Variants in GSN observed in about 807,000 individuals in gnomAD.
The protein encoded by GSN is gelsolin.
A neutral mutation model predicts 85.7 loss-of-function variants in GSN; 56 were observed. That is an observed-to-expected ratio of 0.65 (90% CI 0.53 to 0.82). The LOEUF (loss-of-function observed/expected upper bound fraction) is 0.82. Among genes scored for constraint, GSN ranks in the 40% least tolerant of loss-of-function variants. The probability of loss-of-function intolerance (pLI) is 0.00; values close to 1 mark genes in which losing one functional copy is unlikely to be tolerated. For synonymous variants in GSN, 373 were observed against 399.1 expected (o/e 0.93, Z 0.78); for missense variants, 857 against 979.8 (o/e 0.87, Z 1.67).
intron 11 of GSN, among the ~76,000 whole-genome samples, chr9:121,323,404 T>G (rs1261913982): frequency 7.2e-6 from 1 of 138,700 alleles, no homozygotes; most frequent in East Asian, 2.3e-4. Context: ...AGAGTCTTGC[T>G]CTGTCGCCAG....
In GSN at chr9:121,324,609, C is replaced by A; in HGVS notation, c.1381C>A (p.Gln461Lys). 6.5e-7 allele frequency: 1 copy of A among 1,545,224 alleles called. No homozygotes were observed. The highest frequency in any genetic ancestry group is 8.7e-7 in the Non-Finnish European group (1 of 1,143,118). The change falls in exon 12 of 18, where the codon CAG becomes AAG. Residue 461 changes from glutamine (Q) to lysine (K), a missense_variant. Physicochemically the swap from Gln to Lys is moderately conservative, Grantham distance 53. Coordinates refer to ENST00000432226, the MANE Select transcript of GSN (RefSeq NM_198252.3). Reference sequence around the variant, plus strand: ...CGCTGCATCTGCCATCCTGACTGCTCAGCTGGATGAGGAGCTGGGAGGTAC... The same window carrying A: ...CGCTGCATCTGCCATCCTGACTGCTAAGCTGGATGAGGAGCTGGGAGGTAC... ...EVAASAILTAQLDEELGGTPV... is the reference protein window; with the variant it reads ...EVAASAILTAKLDEELGGTPV...
intron 1 of GSN, among the ~76,000 whole-genome samples, chr9:121,271,272 TA>T (rs2055905808): frequency 6.6e-6 from 1 of 152,082 alleles, no homozygotes; most frequent in African/African-American, 2.4e-5. Context: ...GAGAATTGCT[TA>T]AACCCTGGAG....
chr9:121,251,636 G>C (rs2054838477), intron 6 of GSN, among the ~76,000 whole-genome samples: 1 of 152,132 alleles, frequency 6.6e-6, no homozygotes, highest in South Asian at 2.1e-4. Flanking sequence ...CAATGGAGGT[G>C]TTGAGGGTAG....
chr9:121,326,711 G>T (rs1465994873), intron 13 of GSN, 29 bp downstream of exon 13: 2 of 1,595,660 alleles, frequency 1.3e-6, no homozygotes, highest in African/African-American at 2.7e-5. Flanking sequence ...AACACAGAAG[G>T]GATTGGCCTC....
intron 4 of GSN, among the ~76,000 whole-genome samples, chr9:121,227,740 G>C (rs1046365007): frequency 2.0e-5 from 3 of 152,106 alleles, no homozygotes; most frequent in Non-Finnish European, 2.9e-5. Flanking sequence ...GTGTTGAGCG[G>C]TACATGAGAA....
chr9:121,248,886 G>A (rs2054756518), intron 6 of GSN, among the ~76,000 whole-genome samples: 1 of 152,190 alleles, frequency 6.6e-6, no homozygotes, highest in Non-Finnish European at 1.5e-5. Flanking sequence ...TAAGAGGTCT[G>A]GAAGGTGATG....
In GSN at chr9:121,236,182, T is replaced by C. The variant is rs549019163; in HGVS notation, c.-389+4879T>C. 6.6e-5 allele frequency among the ~76,000 whole-genome samples: 10 copies of C among 152,250 alleles called. No individual in the cohort carries two copies. In the South Asian group the frequency reaches 2.1e-3, roughly 32 times the overall value. The stretch of plus-strand genomic sequence containing the variant: ...CACTCTAATTCTCTCTTTTTTTTCT[T>C]TTTCCATTATTTAACATGTTGTTGT... On this transcript the variant is annotated intron_variant, in intron 5 of 24. Coordinates refer to the GSN transcript ENST00000373823.
chr9:121,265,446 T>A (rs2055177448), upstream of GSN: 1 of 152,306 alleles, frequency 6.6e-6, no homozygotes, highest in Non-Finnish European at 1.5e-5. Context: ...ATGATTGTCA[T>A]GTCTCAACTT....
At chr9:121,234,154 C>G (rs1021607845) in intron 5 of GSN, among the ~76,000 whole-genome samples, 1 of 123,030 alleles carries the variant, frequency 8.1e-6, no homozygotes, top group Admixed American at 8.4e-5. Flanking sequence ...TTAAAGCCAC[C>G]ACATGTGGCT....
intron 1 of GSN, among the ~76,000 whole-genome samples, chr9:121,278,697 C>T (rs1208413821): frequency 6.6e-6 from 1 of 152,242 alleles, no homozygotes. Context: ...TTTATGGCTC[C>T]ATCTGGAGTG....
At chr9:121,312,677 G>A (rs2061306735) in intron 6 of GSN, 189 bp downstream of exon 6, 1 of 527,614 alleles carries the variant, frequency 1.9e-6, no homozygotes, top group Non-Finnish European at 3.2e-6. Flanking sequence ...GCCTGAGCTG[G>A]AGTGCAGGGG....
intron 6 of GSN, among the ~76,000 whole-genome samples, chr9:121,257,435 T>A (rs1294384466): frequency 1.3e-5 from 2 of 152,168 alleles, no homozygotes; most frequent in Admixed American, 1.3e-4. Flanking sequence ...TAATAAGGAA[T>A]TTTCAGAGCC....
chr9:121,230,844 ATAGATT>A (rs552996165), intron 4 of GSN, among the ~76,000 whole-genome samples: 60 of 152,276 alleles, frequency 3.9e-4, no homozygotes, highest in African/African-American at 1.4e-3. Flanking sequence ...AGAAAAAACA[ATAGATT>A]TAGATTCTTA....
Position 121,299,931 on chromosome 9 carries a change from C to T in GSN, c.-9-2032C>T. 1 of 1,261,460 alleles carries T rather than the reference C, an allele frequency of 7.9e-7. No individual in the cohort carries two copies. Among genetic ancestry groups the T allele is most frequent in the South Asian group, 3.6e-5 (1 of 27,612 alleles). The allele number at this position is 1,261,460 out of a possible 1,614,324, so 78.1% of individuals were successfully genotyped here. On this transcript the variant is annotated intron_variant, in intron 2 of 17. Transcript: ENST00000432226. This position sits in a 1 kb window ranked among gnomAD's most constrained non-coding sequence, Gnocchi z 4.2. ...CCTGGCGCTGTGCGCGCTGTCGCTG[C>T]CCGTCCGCGCGGCCACTGCGTCGCG... is the stretch of plus-strand genomic sequence containing the variant.
intron 7 of GSN, 70 bp downstream of exon 7, chr9:121,314,093 C>A: frequency 8.4e-7 from 1 of 1,185,346 alleles, no homozygotes; most frequent in South Asian, 1.2e-5. Context: ...TGGTCTTCCC[C>A]ACTCCACTGC....
intron 11 of GSN, among the ~76,000 whole-genome samples, chr9:121,324,206 G>A (rs993425427): frequency 6.6e-6 from 1 of 152,052 alleles, no homozygotes; most frequent in African/African-American, 2.4e-5. Flanking sequence ...CTGCTTTTCC[G>A]CCCAGAGAAA....
intron 2 of GSN, among the ~76,000 whole-genome samples, chr9:121,287,372 T>C (rs1266126003): frequency 6.6e-6 from 1 of 152,110 alleles, no homozygotes; most frequent in Non-Finnish European, 1.5e-5. Context: ...AGCCTCAGTT[T>C]CCCCAAATGT....
intron 4 of GSN, among the ~76,000 whole-genome samples, chr9:121,220,801 A>T (rs984507118): frequency 6.6e-6 from 1 of 152,250 alleles, no homozygotes; most frequent in African/African-American, 2.4e-5. Flanking sequence ...AGGCAACCGT[A>T]TCTAGCCAGA....
At chr9:121,225,717 G>A (rs1361981050) in intron 4 of GSN, among the ~76,000 whole-genome samples, 3 of 152,216 alleles carry the variant, frequency 2.0e-5, no homozygotes, top group Non-Finnish European at 4.4e-5. Flanking sequence ...CTTGTAAAAT[G>A]GGTCTATTGA....
Sources: allele counts gnomAD v4.1 joint callset (sites outside exome capture counted in the v4.1 genomes callset), GRCh38; gene constraint gnomAD v4.1.1; non-coding constraint Gnocchi (gnomAD v3.1); transcripts MANE v1.5; gene names NCBI Gene and HGNC (gene_info 2026-07-23, HGNC 2026-07-21).